MDGA2: variants seen among roughly 807,000 people sequenced by gnomAD.
MDGA2 encodes the protein MAM domain containing glycosylphosphatidylinositol anchor 2.
MDGA2 carries 40 observed loss-of-function variants against 117.8 expected under a neutral mutation model. The observed-to-expected ratio is 0.34, with a 90% CI of 0.26 to 0.44. The LOEUF (loss-of-function observed/expected upper bound fraction) is 0.44, where lower values mean the gene tolerates loss of function less well. Among genes scored for constraint, MDGA2 ranks in the 20% least tolerant of loss-of-function variants. The pLI, the probability that MDGA2 is intolerant of heterozygous loss-of-function variation, is 1.00. For missense variants in MDGA2, 1,123 were observed against 1,250.6 expected (o/e 0.90, Z 1.54); for synonymous variants, 452 against 439.0 (o/e 1.03, Z -0.37).
chr14:47,495,122 A>T (rs201291139), intron 1 of MDGA2, among the ~76,000 whole-genome samples: 1 of 152,206 alleles, frequency 6.6e-6, no homozygotes, highest in East Asian at 1.9e-4. Context: ...TTGCAGCAAC[A>T]TGGGTGGAAC....
At chr14:47,620,583 A>C (rs991953453) in intron 1 of MDGA2, among the ~76,000 whole-genome samples, 2 of 152,202 alleles carry the variant, frequency 1.3e-5, no homozygotes, top group African/African-American at 4.8e-5. Flanking sequence ...TTGGGCCATA[A>C]ACTTTGCCCC....
intron 2 of MDGA2, among the ~76,000 whole-genome samples, chr14:47,226,726 T>C (rs1159067395): frequency 6.6e-6 from 1 of 152,128 alleles, no homozygotes; most frequent in Non-Finnish European, 1.5e-5. Context: ...GACATTACTC[T>C]TGGGCCCCAA....
At chr14:47,067,928 A>C (rs1179653866) in intron 6 of MDGA2, among the ~76,000 whole-genome samples, 1 of 152,158 alleles carries the variant, frequency 6.6e-6, no homozygotes, top group African/African-American at 2.4e-5. Flanking sequence ...TCTTATACTC[A>C]CTTCTCTGTA....
intron 3 of MDGA2, among the ~76,000 whole-genome samples, chr14:47,156,457 G>A (rs1594676499): frequency 6.6e-6 from 1 of 152,232 alleles, no homozygotes; most frequent in South Asian, 2.1e-4. Context: ...AGTTTCTCTA[G>A]TGACATAAAC....
At chr14:47,392,721 C>T (rs8010357) in intron 1 of MDGA2, among the ~76,000 whole-genome samples, 149,312 of 152,156 alleles carry the variant, frequency 0.98, 73,318 homozygotes, top group East Asian at 1. Flanking sequence ...TTCCCACTTA[C>T]ACTTGCTGTC....
At chr14:47,493,609 G>A (rs1380850947) in intron 1 of MDGA2, among the ~76,000 whole-genome samples, 1 of 151,884 alleles carries the variant, frequency 6.6e-6, no homozygotes, top group Non-Finnish European at 1.5e-5. Context: ...TGAGCCACCG[G>A]ACCTGGCCTA....
chr14:47,041,915 T>C (rs1889084561), intron 7 of MDGA2, among the ~76,000 whole-genome samples: 1 of 152,190 alleles, frequency 6.6e-6, no homozygotes. Flanking sequence ...AATATGACTG[T>C]AGTGCACTTT....
chr14:47,071,338 C>G (rs753120301), intron 6 of MDGA2, among the ~76,000 whole-genome samples: 78 of 151,932 alleles, frequency 5.1e-4, no homozygotes, highest in Non-Finnish European at 6.8e-4. Context: ...TAATAAACCA[C>G]AAAACAAAGA....
intron 1 of MDGA2, among the ~76,000 whole-genome samples, chr14:47,482,568 ATGTTTAT>A: frequency 6.6e-6 from 1 of 152,154 alleles, no homozygotes; most frequent in Non-Finnish European, 1.5e-5. Context: ...TTAAAATCTA[ATGTTTAT>A]TTTACAAAAT....
intron 2 of MDGA2, among the ~76,000 whole-genome samples, chr14:47,258,525 C>T (rs564714375): frequency 6.4e-4 from 97 of 152,176 alleles, no homozygotes; most frequent in Admixed American, 1.4e-3. Flanking sequence ...TCTTCCAACA[C>T]TGGGGATTAT....
At chr14:47,200,460 C>T in intron 3 of MDGA2, 2 of 472,632 alleles carry the variant, frequency 4.2e-6, no homozygotes. Flanking sequence ...CAATATATGA[C>T]ATTAGTTTTT....
At position 46,954,807 on chromosome 14, in the gene MDGA2, C is replaced by A. The variant is rs139607205; in HGVS notation, c.2089+2567G>T. Among the ~76,000 whole-genome samples, 574 of 152,182 alleles carry A rather than the reference C, an allele frequency of 3.8e-3. 5 individuals are homozygous for A. Among genetic ancestry groups the A allele is most frequent in the African/African-American group, 0.013 (548 of 41,556 alleles). On this transcript the variant is annotated intron_variant, in intron 9 of 16. Coordinates refer to ENST00000399232, the MANE Select transcript of MDGA2 (RefSeq NM_001113498.3). Reference sequence around the variant, plus strand: ...TTTTTCAGAGGGCACTAGCTAGCTTCCTAAAATATATATGATTTATTTTCA... The same window carrying A: ...TTTTTCAGAGGGCACTAGCTAGCTTACTAAAATATATATGATTTATTTTCA...
chr14:47,409,451 A>G (rs1479131864), intron 1 of MDGA2, among the ~76,000 whole-genome samples: 1 of 152,194 alleles, frequency 6.6e-6, no homozygotes, highest in Non-Finnish European at 1.5e-5. Flanking sequence ...ATTATCAAAC[A>G]TTCATCACAC....
At chr14:47,470,832 T>C (rs185758155) in intron 1 of MDGA2, among the ~76,000 whole-genome samples, 1 of 152,270 alleles carries the variant, frequency 6.6e-6, no homozygotes, top group East Asian at 1.9e-4. Context: ...AGTGGCCAAA[T>C]TGTCATCAAT....
At chr14:47,357,635 A>G (rs1891025618) in intron 1 of MDGA2, among the ~76,000 whole-genome samples, 1 of 152,184 alleles carries the variant, frequency 6.6e-6, no homozygotes, top group Non-Finnish European at 1.5e-5. Context: ...CAAGTCCACT[A>G]TACCTCACCT....
At chr14:47,027,170 GA>G (rs367869351) in intron 8 of MDGA2, among the ~76,000 whole-genome samples, 39 of 147,096 alleles carry the variant, frequency 2.7e-4, no homozygotes, top group African/African-American at 7.0e-4. Context: ...TCAAAAAATG[GA>G]AAAAAAAAAC....
At chr14:47,425,943 A>G (rs1488905823) in intron 1 of MDGA2, among the ~76,000 whole-genome samples, 1 of 151,926 alleles carries the variant, frequency 6.6e-6, no homozygotes, top group African/African-American at 2.4e-5. Flanking sequence ...ATTTTTAATG[A>G]ATGCCCTTTT....
chr14:47,360,425 A>T (rs1313285022), intron 1 of MDGA2, among the ~76,000 whole-genome samples: 1 of 151,696 alleles, frequency 6.6e-6, no homozygotes, highest in East Asian at 1.9e-4. Context: ...TGTGCAAAGG[A>T]TCTGAATAGA....
At chr14:47,475,309 A>G (rs1893814423) in intron 1 of MDGA2, among the ~76,000 whole-genome samples, 2 of 152,192 alleles carry the variant, frequency 1.3e-5, no homozygotes, top group Non-Finnish European at 2.9e-5. Flanking sequence ...GCAATTATTA[A>G]AAAGTCAAGA....
Sources: gnomAD v4.1 joint callset for allele counts (sites outside exome capture counted in the v4.1 genomes callset) on GRCh38, gnomAD v4.1.1 for gene constraint, MANE v1.5 for transcripts, NCBI Gene and HGNC (gene_info 2026-07-23, HGNC 2026-07-21) for gene names.